ANKHD1: variants seen among roughly 807,000 people sequenced by gnomAD.
ANKHD1 encodes the protein ankyrin repeat and KH domain containing 1.
A neutral mutation model predicts 230.5 loss-of-function variants in ANKHD1; 31 were observed. The observed-to-expected ratio is 0.13, with a 90% confidence interval of 0.10 to 0.18. The LOEUF is 0.18. Among genes scored for constraint, ANKHD1 ranks in the 10% least tolerant of loss-of-function variants. The pLI is 1.00. For missense variants in ANKHD1, 2,256 were observed against 3,071.3 expected, an observed-to-expected ratio of 0.73 and a Z score of 6.27; for synonymous variants, 1,074 against 1,117.6, an observed-to-expected ratio of 0.96 and a Z score of 0.78.
In ANKHD1 at chr5:140,485,230, C is replaced by T. The variant is rs901949449; in HGVS notation, c.1980C>T (p.Asp660=). The T allele has an allele frequency of 7.4e-6, 12 of 1,613,450 alleles. No individual in the cohort carries two copies. Among genetic ancestry groups the T allele is most frequent in the Non-Finnish European group, 1.0e-5 (12 of 1,179,714 alleles). ...AGCTTCTCTTGGCTCATGGGGCTGACCCTACTCATCGACTCAAGGTAGTCT... is the reference window on the plus strand; with the variant it reads ...AGCTTCTCTTGGCTCATGGGGCTGATCCTACTCATCGACTCAAGGTAGTCT... ...VVELLLAHGA[D]PTHRLKDGST... is the part of the protein sequence containing the mutation. Residue 660 remains aspartate (D), a synonymous_variant, in exon 12 of 34, where the codon GAC becomes GAT. Transcript: ENST00000360839. The surrounding 1 kb of genome is among the most constrained non-coding windows in gnomAD (Gnocchi z 4.8).
Position 140,497,043 on chromosome 5 carries a change from T to C in ANKHD1, c.2769T>C (p.Asp923=), listed in dbSNP as rs1297337535. ...CTCCACCATCGGCAGAACAGATTGA[T>C]TTTGTCCCAGTCCAGCCTTTATCAT... ...QQSPPSAEQI[D]FVPVQPLSSP... Residue 923 remains aspartate (D), a synonymous_variant, in exon 15 of 34, where the codon GAT becomes GAC. Coordinates refer to ENST00000360839, the MANE Select transcript of ANKHD1 (RefSeq NM_017747.3). 2 of 1,614,180 alleles carry C rather than the reference T, an allele frequency of 1.2e-6. No individual in the cohort carries two copies. Among genetic ancestry groups the C allele is most frequent in the Admixed American group, 3.3e-5 (2 of 60,032 alleles).
At chr5:140,475,770 A>G (rs1448428504) in intron 10 of ANKHD1, among the ~76,000 whole-genome samples, 1 of 152,210 alleles carries the variant, frequency 6.6e-6, no homozygotes, top group African/African-American at 2.4e-5. Context: ...GGAACTTCCA[A>G]AACATCTGAT....
chr5:140,443,120 TGGTCTCGATCTCGA>T (rs1278592071), intron 5 of ANKHD1, among the ~76,000 whole-genome samples: 4 of 151,860 alleles, frequency 2.6e-5, no homozygotes, highest in African/African-American at 9.7e-5. Flanking sequence ...TTAGCCAGGA[TGGTCTCGATCTCGA>T]CCTTGTGATC....
rs1326129425 is a variant in ANKHD1 at position 140,428,517 on chromosome 5, TCGCAGGCACTC to T, written c.307-7586_307-7576del. ...CAGGCGTGGTGGCGCACGCCTGCAA[TCGCAGGCACTC>T]GGCAGGCTGAGGCAGGAGAATCAGG... On this transcript the variant is annotated intron_variant, in intron 1 of 33. Transcript: ENST00000360839. Among the ~76,000 whole-genome samples the T allele has an allele frequency of 2.6e-5, 4 of 152,268 alleles. No individual in the cohort carries two copies. The South Asian group carries it at 6.2e-4, about 24-fold the overall frequency.
intron 1 of ANKHD1, among the ~76,000 whole-genome samples, chr5:140,432,071 T>G (rs1413161444): frequency 6.6e-6 from 1 of 152,222 alleles, no homozygotes; most frequent in African/African-American, 2.4e-5. Context: ...TCTAGATACC[T>G]TATATCTTTT....
chr5:140,535,066 A>G (rs1323652673), intron 29 of ANKHD1, among the ~76,000 whole-genome samples: 1 of 152,204 alleles, frequency 6.6e-6, no homozygotes, highest in Non-Finnish European at 1.5e-5. Context: ...AAAAGCTTTG[A>G]GATTCATCTA....
At position 140,529,249 on chromosome 5, in the gene ANKHD1, A is replaced by G. The variant is rs750701402; in HGVS notation, c.6303A>G (p.Glu2101=). The change falls in exon 29 of 34, where the codon GAA becomes GAG. Residue 2101 remains glutamate (E), a synonymous_variant. Transcript: ENST00000360839. ...PMSMPFASNS[E]PAPLTLTSPR... ...CAATGCCTTTTGCATCTAACTCAGAACCTGCTCCATTGACTTTGACATCAC... is the reference window on the plus strand; with the variant it reads ...CAATGCCTTTTGCATCTAACTCAGAGCCTGCTCCATTGACTTTGACATCAC... 3.7e-6 allele frequency: 6 copies of G among 1,614,172 alleles called. No individual in the cohort carries two copies. Among genetic ancestry groups the G allele is most frequent in the Middle Eastern group, 1.6e-4 (1 of 6,062 alleles).
intron 20 of ANKHD1, among the ~76,000 whole-genome samples, chr5:140,508,647 T>C (rs1752635560): frequency 6.6e-6 from 1 of 151,862 alleles, no homozygotes; most frequent in Non-Finnish European, 1.5e-5. Context: ...TCCCAGCTAC[T>C]CAGGAGGCTG....
intron 9 of ANKHD1, among the ~76,000 whole-genome samples, chr5:140,462,808 C>T (rs942593689): frequency 6.6e-6 from 1 of 151,344 alleles, no homozygotes; most frequent in Admixed American, 6.6e-5. Context: ...ATGAGGTAGT[C>T]CCTTAGCATC....
intron 5 of ANKHD1, among the ~76,000 whole-genome samples, chr5:140,442,653 A>G (rs908448298): frequency 1.3e-5 from 2 of 152,164 alleles, no homozygotes; most frequent in Non-Finnish European, 2.9e-5. Context: ...TTGGTGAACC[A>G]CCAGATTGAT....
chr5:140,496,397 G>T, intron 14 of ANKHD1, 123 bp from the exon 15 acceptor site: 1 of 1,034,388 alleles, frequency 9.7e-7, no homozygotes, highest in Non-Finnish European at 1.3e-6. Context: ...TAGTTATAAG[G>T]GTTTTGGGAG....
intron 1 of ANKHD1, among the ~76,000 whole-genome samples, chr5:140,404,939 G>GTC (rs778750253): frequency 1.3e-5 from 2 of 149,330 alleles, no homozygotes; most frequent in African/African-American, 2.5e-5. Context: ...TCATAAATTT[G>GTC]TCTCTCTCTC....
chr5:140,414,855 G>A (rs543134230), intron 1 of ANKHD1, among the ~76,000 whole-genome samples: 2 of 146,232 alleles, frequency 1.4e-5, no homozygotes, highest in Admixed American at 1.4e-4. Flanking sequence ...AAAAAAAATT[G>A]TGTTGTTTGT....
At chr5:140,526,820 A>C in intron 26 of ANKHD1, 108 bp from the exon 27 acceptor site, 10 of 1,392,872 alleles carry the variant, frequency 7.2e-6, no homozygotes, top group South Asian at 1.8e-5. Flanking sequence ...TGATGTGCCA[A>C]AGTTTAATAC....
intron 14 of ANKHD1, among the ~76,000 whole-genome samples, chr5:140,489,427 C>T (rs1470695804): frequency 6.6e-6 from 1 of 151,800 alleles, no homozygotes; most frequent in Admixed American, 6.6e-5. Context: ...GAGCTCCAGG[C>T]AGCAGTGAGC....
rs371184861 is a variant in ANKHD1, at chr5:140,477,640, TCTCA to T, written c.1783-4936_1783-4933del. On this transcript the variant is annotated intron_variant, in intron 10 of 33. Transcript: ENST00000360839. Reference sequence around the variant, plus strand: ...TTTTTCTTTTTGTTTTGAGACGGAGTCTCACTCTGTCACCAGGCTGGAGTGCAGT... The same window carrying T: ...TTTTTCTTTTTGTTTTGAGACGGAGTCTCTGTCACCAGGCTGGAGTGCAGT... 3.6e-3 allele frequency among the ~76,000 whole-genome samples: 555 copies of T among 152,232 alleles called. 7 individuals are homozygous for T. The highest frequency in any genetic ancestry group is 0.013 in the African/African-American group (541 of 41,540).
intron 25 of ANKHD1, among the ~76,000 whole-genome samples, chr5:140,525,590 G>A (rs958053541): frequency 6.6e-6 from 1 of 152,132 alleles, no homozygotes; most frequent in African/African-American, 2.4e-5. Flanking sequence ...CTTTATTTCA[G>A]CTGGGCGCAG....
chr5:140,435,172 A>G (rs765945620), intron 1 of ANKHD1, among the ~76,000 whole-genome samples: 3 of 152,140 alleles, frequency 2.0e-5, no homozygotes, highest in Admixed American at 2.0e-4. Context: ...GTCTCCAGGT[A>G]TCAGTGGGTT....
At chr5:140,517,873 TAAAAG>T (rs2127071569) in intron 24 of ANKHD1, among the ~76,000 whole-genome samples, 1 of 146,216 alleles carries the variant, frequency 6.8e-6, no homozygotes, top group African/African-American at 2.5e-5. Flanking sequence ...ACATCACAAT[TAAAAG>T]AACTAGAAAA....
Sources: allele counts gnomAD v4.1 joint callset (sites outside exome capture counted in the v4.1 genomes callset), GRCh38; gene constraint gnomAD v4.1.1; non-coding constraint Gnocchi (gnomAD v3.1); transcripts MANE v1.5; gene names NCBI Gene and HGNC (gene_info 2026-07-23, HGNC 2026-07-21).